Variants in AFF3 observed in about 807,000 individuals in gnomAD.
AFF3 encodes the protein AF4/FMR2 family member 3.
AFF3 carries 32 observed loss-of-function variants against 129.7 expected under a neutral mutation model. The observed-to-expected ratio is 0.25, with a 90% confidence interval of 0.19 to 0.33. The LOEUF is 0.33. Among genes scored for constraint, AFF3 ranks in the 10% least tolerant of loss-of-function variants. The pLI, the probability that AFF3 is intolerant of heterozygous loss-of-function variation, is 1.00. For synonymous variants in AFF3, 644 were observed against 635.4 expected (o/e 1.01, Z -0.20); for missense variants, 1,373 against 1,592.0 (o/e 0.86, Z 2.34).
chr2:100,028,813 T>C (rs1375934959), intron 4 of AFF3, among the ~76,000 whole-genome samples: 1 of 152,272 alleles, frequency 6.6e-6, no homozygotes, highest in African/African-American at 2.4e-5. Flanking sequence ...GCACTGCTGA[T>C]GGAAATACAA....
chr2:100,131,975 G>A (rs1692444701), intron 1 of AFF3, among the ~76,000 whole-genome samples: 1 of 152,146 alleles, frequency 6.6e-6, no homozygotes, highest in African/African-American at 2.4e-5. Context: ...CTGCCTTGAG[G>A]GGTACATTGC....
At chr2:100,106,600 G>T in intron 2 of AFF3, 1 of 988,922 alleles carries the variant, frequency 1.0e-6, no homozygotes. Flanking sequence ...GCCCCTGTCT[G>T]GAAGAACTGC....
At chr2:99,937,275 A>C (rs1674603773) in intron 7 of AFF3, among the ~76,000 whole-genome samples, 1 of 152,202 alleles carries the variant, frequency 6.6e-6, no homozygotes, top group Admixed American at 6.5e-5. Flanking sequence ...CTCAACCTGG[A>C]TAAGAGCCAG....
At chr2:99,997,168 A>G (rs1033711356) in intron 7 of AFF3, among the ~76,000 whole-genome samples, 2 of 152,174 alleles carry the variant, frequency 1.3e-5, no homozygotes, top group African/African-American at 4.8e-5. Flanking sequence ...GCCCAGATAC[A>G]GATTTCGTTC....
intron 4 of AFF3, among the ~76,000 whole-genome samples, chr2:100,072,866 TA>T (rs1168354091): frequency 6.6e-6 from 1 of 152,210 alleles, no homozygotes; most frequent in African/African-American, 2.4e-5. Flanking sequence ...CCATCCCTTT[TA>T]CCTTAACTGA....
At chr2:99,574,864 CTTGT>C (rs1380924586) in intron 18 of AFF3, among the ~76,000 whole-genome samples, 1 of 152,100 alleles carries the variant, frequency 6.6e-6, no homozygotes, top group Non-Finnish European at 1.5e-5. Flanking sequence ...CATTTCACTG[CTTGT>C]TTTTACAAAT....
At chr2:99,943,531 G>T (rs562321496) in intron 7 of AFF3, among the ~76,000 whole-genome samples, 1 of 152,296 alleles carries the variant, frequency 6.6e-6, no homozygotes, top group Admixed American at 6.5e-5. Context: ...ATCAGTAAAA[G>T]AAAATGTGAC....
chr2:100,053,903 G>A (rs773932577), intron 4 of AFF3, among the ~76,000 whole-genome samples: 12 of 152,212 alleles, frequency 7.9e-5, no homozygotes, highest in Non-Finnish European at 1.2e-4. Context: ...ATAAGACAGC[G>A]GACATCACTT....
In AFF3 at chr2:100,011,007, G is replaced by A. The variant is rs575511135; in HGVS notation, c.54-2075C>T. Among the ~76,000 whole-genome samples the A allele has an allele frequency of 2.0e-5, 3 of 152,312 alleles. No homozygotes were observed. In the East Asian group the frequency reaches 5.8e-4, roughly 29 times the overall value. On this transcript the variant is annotated intron_variant, in intron 4 of 24. Coordinates refer to ENST00000672756, the MANE Select transcript of AFF3 (RefSeq NM_001386135.1). ...AAACAAAAAGCAGCCGGGCGCTGTGGCTCATGCCTGTAATCCCAGCACTTT... is the reference window on the plus strand; with the variant it reads ...AAACAAAAAGCAGCCGGGCGCTGTGACTCATGCCTGTAATCCCAGCACTTT...
chr2:100,102,445 T>C (rs1690804607), intron 4 of AFF3, among the ~76,000 whole-genome samples: 1 of 152,364 alleles, frequency 6.6e-6, no homozygotes, highest in South Asian at 2.1e-4. Context: ...TAAAATGTGA[T>C]TGCACGTACA....
At chr2:99,991,556 T>C (rs990461775) in intron 7 of AFF3, among the ~76,000 whole-genome samples, 9 of 152,208 alleles carry the variant, frequency 5.9e-5, no homozygotes, top group Non-Finnish European at 8.8e-5. Context: ...TATTGTGATG[T>C]ATAAGGAGAT....
intron 1 of AFF3, among the ~76,000 whole-genome samples, chr2:100,136,992 C>A (rs1052394875): frequency 6.6e-6 from 1 of 152,100 alleles, no homozygotes; most frequent in Non-Finnish European, 1.5e-5. Context: ...CATCCCATTT[C>A]CCCATTGCAT....
At chr2:100,093,829 T>C (rs1162495970) in intron 4 of AFF3, among the ~76,000 whole-genome samples, 2 of 152,202 alleles carry the variant, frequency 1.3e-5, no homozygotes, top group African/African-American at 2.4e-5. Flanking sequence ...GAACGGACTT[T>C]ATCCACATCA....
chr2:99,715,976 A>T (rs1678346283), intron 11 of AFF3, among the ~76,000 whole-genome samples: 1 of 151,940 alleles, frequency 6.6e-6, no homozygotes, highest in African/African-American at 2.4e-5. Flanking sequence ...TCAGCCTCAA[A>T]TCTTCATTTA....
At chr2:99,738,076 A>G (rs1241064298) in intron 10 of AFF3, among the ~76,000 whole-genome samples, 1 of 152,094 alleles carries the variant, frequency 6.6e-6, no homozygotes, top group Non-Finnish European at 1.5e-5. Context: ...CTAATTTCAC[A>G]TTCTAGGCTT....
chr2:100,053,164 GC>G (rs1161125080), intron 4 of AFF3, among the ~76,000 whole-genome samples: 1 of 152,224 alleles, frequency 6.6e-6, no homozygotes, highest in Non-Finnish European at 1.5e-5. Context: ...CCTCTTGGCA[GC>G]AGTTGAAAAA....
rs1000725658 is a variant in AFF3 at position 99,960,341 on chromosome 2, T to C, written c.873+46291A>G. On this transcript the variant is annotated intron_variant, in intron 7 of 24. Transcript: ENST00000672756. ...TTAGCCTCTACTGTGATTTTTAGAC[T>C]CAATCTGAACTTTCTGGTCATAAAT... is the stretch of plus-strand genomic sequence containing the variant. 5.3e-5 allele frequency among the ~76,000 whole-genome samples: 8 copies of C among 152,056 alleles called. 1 individual carries two copies. The highest frequency in any genetic ancestry group is 3.9e-4 in the Admixed American group (6 of 15,272).
intron 7 of AFF3, among the ~76,000 whole-genome samples, chr2:99,942,677 C>T (rs1675171187): frequency 6.6e-6 from 1 of 151,874 alleles, no homozygotes; most frequent in Admixed American, 6.5e-5. Context: ...GGGTGGTGCT[C>T]ATGGCTCAGA....
chr2:99,680,126 C>G (rs111323362), intron 11 of AFF3, among the ~76,000 whole-genome samples: 2,611 of 152,184 alleles, frequency 0.017, 35 homozygotes, highest in South Asian at 0.048. Context: ...GCAATCTAGG[C>G]CACAGTTATG....
Sources: gnomAD v4.1 joint callset for allele counts (sites outside exome capture counted in the v4.1 genomes callset) on GRCh38, gnomAD v4.1.1 for gene constraint, MANE v1.5 for transcripts, NCBI Gene and HGNC (gene_info 2026-07-23, HGNC 2026-07-21) for gene names.